The following STIP1 variants were observed in gnomAD, a reference collection of about 807,000 sequenced individuals.
STIP1 encodes the protein stress induced phosphoprotein 1, also known as stress-induced-phosphoprotein 1.
Under a neutral mutation model 77.4 loss-of-function variants are expected in STIP1, and 16 were observed. The ratio of observed to expected loss-of-function variants is 0.21; its 90% CI spans 0.14 to 0.31. STIP1 has a LOEUF of 0.31. Among genes scored for constraint, STIP1 ranks in the 10% least tolerant of loss-of-function variants. STIP1 has a pLI of 1.00. For missense variants in STIP1, 524 were observed against 684.8 expected (o/e 0.77, Z 2.62); for synonymous variants, 258 against 246.6 (o/e 1.05, Z -0.44).
At chr11:64,193,344 T>C (rs1946113674) in intron 2 of STIP1, 57 bp downstream of exon 2, 1 of 1,561,138 alleles carries the variant, frequency 6.4e-7, no homozygotes, top group Non-Finnish European at 8.8e-7. Context: ...GAAATGCCTT[T>C]TGGTGGCCTG....
rs769470187 is a variant in STIP1 at position 64,190,990 on chromosome 11, C to G, written c.10-2088C>G. On this transcript the variant is annotated intron_variant, in intron 1 of 13. Coordinates refer to ENST00000305218, the MANE Select transcript of STIP1 (RefSeq NM_006819.3). Reference sequence around the variant, plus strand: ...ATCACCTGAGGCCAGGAGTTCAAGACCAGCCTGACCAACATGGAGAAACCC... The same window carrying G: ...ATCACCTGAGGCCAGGAGTTCAAGAGCAGCCTGACCAACATGGAGAAACCC... Among the ~76,000 whole-genome samples, 3 of 151,828 alleles carry G rather than the reference C, an allele frequency of 2.0e-5. No homozygotes were observed. The East Asian group carries it at 5.9e-4, about 30-fold the overall frequency.
In STIP1 at chr11:64,203,503, C is replaced by T. The variant is rs771618575; in HGVS notation, c.1440C>T (p.Asp480=). ...RCMMAQYNRH[D]SPEDVKRRAM... is the part of the protein sequence containing the mutation. ...TGATGGCGCAGTACAACCGGCACGA[C>T]AGCCCCGAAGATGTGAAGCGACGAG... The change falls in exon 13 of 14, where the codon GAC becomes GAT. Residue 480 remains aspartate (D), a synonymous_variant. Transcript: ENST00000305218. 70 of 1,614,102 alleles carry T rather than the reference C, an allele frequency of 4.3e-5. No individual in the cohort carries two copies. Among genetic ancestry groups the T allele is most frequent in the Middle Eastern group, 1.7e-4 (1 of 6,046 alleles).
chr11:64,196,388 T>TC (rs1263558332), intron 5 of STIP1, among the ~76,000 whole-genome samples: 27 of 110,646 alleles, frequency 2.4e-4, no homozygotes, highest in African/African-American at 8.8e-4. Context: ...AGAGCGAGAC[T>TC]CCATCTCAAA....
intron 10 of STIP1, among the ~76,000 whole-genome samples, chr11:64,200,573 A>T (rs1229718391): frequency 1.4e-5 from 2 of 144,056 alleles, no homozygotes; most frequent in Admixed American, 1.4e-4. Context: ...AAAATATGGG[A>T]CCTGTATCTA....
At chr11:64,188,337 C>T (rs1188575563) in intron 1 of STIP1, among the ~76,000 whole-genome samples, 1 of 139,538 alleles carries the variant, frequency 7.2e-6, no homozygotes, top group East Asian at 2.1e-4. Flanking sequence ...GAGTGAGACT[C>T]CATCTCAAAA....
At chr11:64,191,191 A>G (rs1946088810) in intron 1 of STIP1, among the ~76,000 whole-genome samples, 1 of 151,292 alleles carries the variant, frequency 6.6e-6, no homozygotes, top group Non-Finnish European at 1.5e-5. Context: ...CTGTCTCAAA[A>G]AAAAAAAAAA....
chr11:64,188,002 C>G (rs1306987279), intron 1 of STIP1, among the ~76,000 whole-genome samples: 1 of 149,730 alleles, frequency 6.7e-6, no homozygotes, highest in African/African-American at 2.5e-5. Flanking sequence ...GACTCCGTCT[C>G]CCTCCAGCCT....
At chr11:64,198,035 T>G in intron 8 of STIP1, 61 bp downstream of exon 8, 6 of 1,557,112 alleles carry the variant, frequency 3.9e-6, no homozygotes, top group Non-Finnish European at 5.2e-6. Context: ...CATTGTTTCT[T>G]ACTGTTTTAT....
chr11:64,203,548 G>C lies in STIP1; in HGVS notation c.1485G>C (p.Val495=), dbSNP rs953867344. 6.2e-7 allele frequency: 1 copy of C among 1,614,234 alleles called. No individual in the cohort carries two copies. Among genetic ancestry groups the C allele is most frequent in the Non-Finnish European group, 8.5e-7 (1 of 1,180,046 alleles). The part of the protein sequence containing the change: ...VKRRAMADPE[V]QQIMSDPAMR... ...GACGAGCCATGGCCGACCCTGAGGT[G>C]CAGCAGATCATGAGTGACCCAGCCA... Residue 495 remains valine, a synonymous_variant, in exon 13 of 14, where the codon GTG becomes GTC. Coordinates refer to ENST00000305218, the MANE Select transcript of STIP1 (RefSeq NM_006819.3).
Position 64,204,097 on chromosome 11 carries a change from A to T in STIP1, c.1603A>T (p.Met535Leu). The T allele has an allele frequency of 1.2e-6, 2 of 1,614,202 alleles. No individual in the cohort carries two copies. The highest frequency in any genetic ancestry group is 1.1e-5 in the South Asian group (1 of 91,088). Reference sequence around the variant, plus strand: ...AATAGCACAGAAGATCCAGAAGCTGATGGATGTGGGTCTGATTGCAATTCG... The same window carrying T: ...AATAGCACAGAAGATCCAGAAGCTGTTGGATGTGGGTCTGATTGCAATTCG... ...PVIAQKIQKLMDVGLIAIR is the reference protein window; with the variant it reads ...PVIAQKIQKLLDVGLIAIR The change falls in exon 14 of 14, where the codon ATG (methionine) becomes TTG (leucine). Residue 535 changes from methionine to leucine, a missense_variant. Coordinates refer to ENST00000305218, the MANE Select transcript of STIP1 (RefSeq NM_006819.3).
upstream of STIP1, chr11:64,186,053 G>C: frequency 1.9e-6 from 3 of 1,546,486 alleles, no homozygotes; most frequent in Non-Finnish European, 2.6e-6. Context: ...TGTCCAATGA[G>C]AAGGAAGTGG....
chr11:64,186,554 C>T (rs969801000), intron 1 of STIP1: 7 of 238,594 alleles, frequency 2.9e-5, no homozygotes, highest in African/African-American at 1.2e-4. Context: ...AGAGGGGTCG[C>T]GACCGGGCCC....
chr11:64,201,644 G>A (rs1946220774), intron 10 of STIP1, among the ~76,000 whole-genome samples: 1 of 152,122 alleles, frequency 6.6e-6, no homozygotes, highest in African/African-American at 2.4e-5. Flanking sequence ...TATATTTTGT[G>A]CCACTGTCTT....
In STIP1 at chr11:64,203,176, C is replaced by T; in HGVS notation, c.1334C>T (p.Thr445Ile). ...AAALEAMKDY[T>I]KAMDVYQKAL... Reference sequence around the variant, plus strand: ...GCGCTGGAAGCGATGAAGGACTACACCAAAGCCATGGATGTGTACCAGAAG... The same window carrying T: ...GCGCTGGAAGCGATGAAGGACTACATCAAAGCCATGGATGTGTACCAGAAG... The change falls in exon 12 of 14, where the codon ACC (threonine) becomes ATC (isoleucine). Residue 445 changes from threonine (T) to isoleucine (I), a missense_variant. Coordinates refer to ENST00000305218, the MANE Select transcript of STIP1 (RefSeq NM_006819.3). 1 of 1,614,248 alleles carries T rather than the reference C, an allele frequency of 6.2e-7. No homozygotes were observed. Among genetic ancestry groups the T allele is most frequent in the Non-Finnish European group, 8.5e-7 (1 of 1,180,048 alleles).
intron 10 of STIP1, chr11:64,202,608 C>T (rs558531175): frequency 1.9e-5 from 9 of 478,882 alleles, no homozygotes; most frequent in Admixed American, 1.5e-4. Flanking sequence ...CCAAGGCCCA[C>T]GCATTTTGTC....
intron 8 of STIP1, among the ~76,000 whole-genome samples, chr11:64,199,158 G>A (rs1288688766): frequency 6.8e-6 from 1 of 147,418 alleles, no homozygotes; most frequent in East Asian, 2.0e-4. Context: ...CCGAGATCAT[G>A]CCACTGCACT....
Position 64,204,250 on chromosome 11 carries a change from A to T in STIP1, c.*124A>T. 1.0e-6 allele frequency: 1 copy of T among 955,144 alleles called. No individual in the cohort carries two copies. The allele number at this position is 955,144 out of a possible 1,614,324, so 59.2% of individuals were successfully genotyped here. A position where few individuals can be genotyped will look rare whatever the true frequency, so the allele number is the denominator to read the frequency against. The stretch of plus-strand genomic sequence containing the variant: ...GCCTCATCTCTCTATATTTATACAT[A>T]ACCCCGGGGAAGACACAGAGACTCG... On this transcript the variant is annotated 3_prime_UTR_variant, in exon 14 of 14. Coordinates refer to ENST00000305218, the MANE Select transcript of STIP1 (RefSeq NM_006819.3).
chr11:64,203,308 T>G, intron 12 of STIP1, 80 bp downstream of exon 12: 1 of 1,587,628 alleles, frequency 6.3e-7, no homozygotes, highest in Non-Finnish European at 8.6e-7. Context: ...CCCTGATTTC[T>G]TCCCTGTCAC....
intron 1 of STIP1, among the ~76,000 whole-genome samples, chr11:64,192,623 C>T (rs767582832): frequency 6.6e-6 from 1 of 152,234 alleles, no homozygotes; most frequent in Non-Finnish European, 1.5e-5. Context: ...GTCTCCGCTG[C>T]CATCCCACAG....
Sources: allele counts gnomAD v4.1 joint callset (sites outside exome capture counted in the v4.1 genomes callset), GRCh38; gene constraint gnomAD v4.1.1; transcripts MANE v1.5; gene names NCBI Gene and HGNC (gene_info 2026-07-23, HGNC 2026-07-21).